SLC2A9: variants seen among roughly 807,000 people sequenced by gnomAD.
SLC2A9 encodes solute carrier family 2, facilitated glucose transporter member 9.
Under a neutral mutation model 50.6 loss-of-function variants are expected in SLC2A9, and 39 were observed. The observed-to-expected ratio is 0.77, with a 90% CI of 0.60 to 1.01. The LOEUF (loss-of-function observed/expected upper bound fraction) is 1.01. Ranked by LOEUF, SLC2A9 falls within the 50% of genes least tolerant of loss-of-function variation. The pLI, the probability that SLC2A9 is intolerant of heterozygous loss-of-function variation, is 0.00. For missense variants in SLC2A9, 686 were observed against 677.6 expected (o/e 1.01, Z -0.14); for synonymous variants, 324 against 276.9 (o/e 1.17, Z -1.69).
chr4:9,946,075 C>A (rs181655748), intron 5 of SLC2A9, among the ~76,000 whole-genome samples: 1 of 152,160 alleles, frequency 6.6e-6, no homozygotes, highest in East Asian at 1.9e-4. Context: ...TTTGTGGTGT[C>A]GGTCCAGCCT....
Position 10,018,944 on chromosome 4 carries a change from C to T in SLC2A9, c.249+31G>A, listed in dbSNP as rs756476518. 1.9e-6 allele frequency: 3 copies of T among 1,543,596 alleles called. 1 individual carries two copies. The South Asian group carries it at 3.6e-5, about 18-fold the overall frequency. ...CCCGAAGGTTTCCGCAGGGCCGCAG[C>T]GCCCTCTGCCGGGCCTTGGCGCGCA... On this transcript the variant is annotated intron_variant, in intron 2 of 11. Transcript: ENST00000264784.
At chr4:9,811,617 C>T (rs555411367) in intron 3 of SLC2A9, among the ~76,000 whole-genome samples, 1 of 152,138 alleles carries the variant, frequency 6.6e-6, no homozygotes, top group South Asian at 2.1e-4. Flanking sequence ...CACCTGGCCA[C>T]AAATGACTGA....
intron 5 of SLC2A9, among the ~76,000 whole-genome samples, chr4:9,967,829 AC>A (rs113303831): frequency 0.47 from 71,815 of 151,720 alleles, 18,107 homozygotes; most frequent in African/African-American, 0.64. Flanking sequence ...ATAGAACAAA[AC>A]AAAAGTTATA....
chr4:10,027,062 AGAACCC>A (rs1460475845), intron 1 of SLC2A9, among the ~76,000 whole-genome samples: 1 of 152,092 alleles, frequency 6.6e-6, no homozygotes, highest in Non-Finnish European at 1.5e-5. Context: ...AAAAAAAAAA[AGAACCC>A]AGACACAAAA....
rs770870270 is a variant in SLC2A9, at chr4:10,026,503, C to T, written c.-40-497G>A. On this transcript the variant is annotated intron_variant, in intron 1 of 12. Transcript: ENST00000309065. ...ATCACCACATGACCCAGCAATTCCA[C>T]CACCACATCGATGCCCAAGAGGACT... Among the ~76,000 whole-genome samples, 95 of 152,288 alleles carry T rather than the reference C, an allele frequency of 6.2e-4. 1 individual carries two copies. Among genetic ancestry groups the T allele is most frequent in the Middle Eastern group, 3.4e-3 (1 of 294 alleles).
chr4:9,774,315 G>A (rs1310200928), intron 1 of SLC2A9, among the ~76,000 whole-genome samples: 1 of 152,180 alleles, frequency 6.6e-6, no homozygotes, highest in African/African-American at 2.4e-5. Flanking sequence ...GAAACTCAGT[G>A]TTTTGGAAAG....
In SLC2A9 at chr4:9,967,819, A is replaced by G. The variant is rs1489279240; in HGVS notation, c.681+12773T>C. Among the ~76,000 whole-genome samples the G allele has an allele frequency of 2.6e-4, 30 of 115,224 alleles. No homozygotes were observed. In the Admixed American group the frequency reaches 2.6e-3, roughly 10 times the overall value. The allele number at this position is 115,224 out of a possible 152,430, so 75.6% of individuals were successfully genotyped here. On this transcript the variant is annotated intron_variant, in intron 5 of 11. Coordinates refer to ENST00000264784, the MANE Select transcript of SLC2A9 (RefSeq NM_020041.3). ...ACTGGTTATTTAAAAATAAGAAAGT[A>G]TAGAACAAAACAAAAGTTATAAGCA... is the stretch of plus-strand genomic sequence containing the variant.
intron 3 of SLC2A9, among the ~76,000 whole-genome samples, chr4:9,809,118 T>C (rs773190968): frequency 2.0e-5 from 3 of 152,228 alleles, no homozygotes; most frequent in Admixed American, 2.0e-4. Context: ...GAATGTACAT[T>C]AAACTAAGGT....
intron 10 of SLC2A9, among the ~76,000 whole-genome samples, chr4:9,872,763 CATG>C (rs1733659894): frequency 6.6e-6 from 1 of 152,188 alleles, no homozygotes; most frequent in South Asian, 2.1e-4. Context: ...ACTACGCAGA[CATG>C]ATGAAGAACT....
At chr4:9,778,555 C>A (rs1717883444), downstream of SLC2A9, among the ~76,000 whole-genome samples, 1 of 152,288 alleles carries the variant, frequency 6.6e-6, no homozygotes, top group South Asian at 2.1e-4. Flanking sequence ...AAAACTCCAC[C>A]CACAGCTTTC....
At chr4:9,954,256 ACACT>A (rs1197747641) in intron 5 of SLC2A9, among the ~76,000 whole-genome samples, 2 of 152,268 alleles carry the variant, frequency 1.3e-5, no homozygotes, top group Non-Finnish European at 2.9e-5. Context: ...GTTCTTAGTA[ACACT>A]CACTCAACAG....
intron 2 of SLC2A9, among the ~76,000 whole-genome samples, chr4:10,007,939 G>GCATA (rs1560479289): frequency 1.3e-5 from 2 of 152,216 alleles, no homozygotes; most frequent in East Asian, 3.9e-4. Context: ...CATGATGTCA[G>GCATA]CATACAGCAG....
chr4:9,839,312 A>G (rs1727622997), intron 10 of SLC2A9, among the ~76,000 whole-genome samples: 1 of 152,202 alleles, frequency 6.6e-6, no homozygotes, highest in South Asian at 2.1e-4. Context: ...CATAATGCCT[A>G]TTACTAAAAA....
intron 4 of SLC2A9, among the ~76,000 whole-genome samples, chr4:9,981,062 CATGATGGTGATG>C (rs1449081554): frequency 6.8e-6 from 1 of 146,230 alleles, no homozygotes; most frequent in African/African-American, 2.5e-5. Context: ...TAGTGATGGT[CATGATGGTGATG>C]ATGATGGTAG....
At position 10,021,386 on chromosome 4, in the gene SLC2A9, A is replaced by T. The variant is rs1479108349; in HGVS notation, c.44T>A (p.Val15Asp). ...QNRNSKELGL[V>D]PLTDDTSHAG... is the part of the protein sequence containing the mutation. The stretch of plus-strand genomic sequence containing the variant: ...GTGGCTGGTGTCATCTGTGAGGGGA[A>T]CTAGGCCCAGTTCCTTGGAATTCCT... Residue 15 changes from valine to aspartate, a missense_variant, in exon 1 of 12, where the codon GTT (valine) becomes GAT (aspartate). Transcript: ENST00000264784. The T allele has an allele frequency of 6.2e-7, 1 of 1,614,098 alleles. No homozygotes were observed. Among genetic ancestry groups the T allele is most frequent in the African/African-American group, 1.3e-5 (1 of 74,938 alleles).
At chr4:10,006,976 G>A (rs879657916) in intron 2 of SLC2A9, among the ~76,000 whole-genome samples, 22 of 151,942 alleles carry the variant, frequency 1.4e-4, no homozygotes, top group Admixed American at 3.3e-4. Flanking sequence ...CGTTGCTGTG[G>A]GGATGAAGCG....
At chr4:9,970,268 A>G (rs796878125) in intron 5 of SLC2A9, among the ~76,000 whole-genome samples, 34 of 152,280 alleles carry the variant, frequency 2.2e-4, no homozygotes, top group African/African-American at 7.9e-4. Flanking sequence ...GGGGATGGAG[A>G]GAAGACATTC....
At chr4:10,009,679 A>C (rs1165050069) in intron 2 of SLC2A9, 1 of 152,202 alleles carries the variant, frequency 6.6e-6, no homozygotes, top group African/African-American at 2.4e-5. Context: ...ATCAAAGCCA[A>C]GCCATTCAGT....
At position 9,943,461 on chromosome 4, in the gene SLC2A9, G is replaced by A. The variant is rs115768657; in HGVS notation, c.682-1416C>T. On this transcript the variant is annotated intron_variant, in intron 5 of 11. Transcript: ENST00000264784. ...AGGAGCTCTCGCTAGAAGGCTGGGA[G>A]GGGTAGGCTAGGGCTGTCGGGGGCC... is the stretch of plus-strand genomic sequence containing the variant. 3.3e-5 allele frequency among the ~76,000 whole-genome samples: 5 copies of A among 152,324 alleles called. No individual in the cohort carries two copies. The East Asian group carries it at 9.7e-4, about 29-fold the overall frequency.
Sources: allele counts gnomAD v4.1 joint callset (sites outside exome capture counted in the v4.1 genomes callset), GRCh38; gene constraint gnomAD v4.1.1; transcripts MANE v1.5; gene names NCBI Gene and HGNC (gene_info 2026-07-23, HGNC 2026-07-21).